Variants in JAG2 observed in about 807,000 individuals in gnomAD.
JAG2 encodes protein jagged-2.
JAG2 carries 46 observed loss-of-function variants against 141.7 expected under a neutral mutation model. The ratio of observed to expected loss-of-function variants is 0.32; its 90% CI spans 0.26 to 0.42. The LOEUF is 0.42. Ranked by LOEUF, JAG2 falls within the 10% of genes least tolerant of loss-of-function variation. The probability of loss-of-function intolerance (pLI) is 1.00; values close to 1 mark genes in which losing one functional copy is unlikely to be tolerated. For missense variants in JAG2, 1,500 were observed against 1,817.5 expected (o/e 0.83, Z 3.18); for synonymous variants, 862 against 763.5 (o/e 1.13, Z -2.13).
intron 2 of JAG2, among the ~76,000 whole-genome samples, chr14:105,161,892 A>C (rs1888760006): frequency 6.6e-6 from 1 of 152,098 alleles, no homozygotes; most frequent in Admixed American, 6.5e-5. Context: ...GCGAATAGCA[A>C]CCTCTCACCC....
rs368937296 is a variant in JAG2 at position 105,145,896 on chromosome 14, C to T, written c.2787G>A (p.Arg929=). The T allele has an allele frequency of 1.0e-5, 16 of 1,564,968 alleles. No individual in the cohort carries two copies. The African/African-American group carries it at 1.1e-4, about 11-fold the overall frequency. ...ALSAQCPLGQ[R]CLEKAPGQCL... ...ACTGGCCTGGGGCCTTCTCCAGGCA[C>T]CTTTGCCCCAGTGGGCACTGGGCGC... The change falls in exon 23 of 26, where the codon AGG becomes AGA. Residue 929 remains arginine, a synonymous_variant. Transcript: ENST00000331782.
rs1888073237 is a variant in JAG2 at position 105,142,069 on chromosome 14, C to T, written c.*626G>A. The stretch of plus-strand genomic sequence containing the variant: ...GCAAGCGCGAGGTTGACCTGCCAGC[C>T]TTGGGCCACGCCGATGACCTCAGGC... On this transcript the variant is annotated 3_prime_UTR_variant, in exon 26 of 26. Transcript: ENST00000331782. The T allele has an allele frequency of 1.3e-5, 2 of 152,914 alleles. No homozygotes were observed. Among genetic ancestry groups the T allele is most frequent in the African/African-American group, 4.8e-5 (2 of 41,476 alleles). The allele number at this position is 152,914 out of a possible 1,614,324, so 9.5% of individuals were successfully genotyped here. A position where few individuals can be genotyped will look rare whatever the true frequency, so the allele number is the denominator to read the frequency against.
intron 12 of JAG2, among the ~76,000 whole-genome samples, chr14:105,149,789 C>T (rs1207122837): frequency 3.5e-5 from 4 of 114,318 alleles, no homozygotes; most frequent in South Asian, 4.0e-4. Flanking sequence ...CGTGGGCGGC[C>T]GAGGGTGGTA....
rs1888531198 is a variant in JAG2 at position 105,154,770 on chromosome 14, C to T, written c.788+792G>A. Among the ~76,000 whole-genome samples the T allele has an allele frequency of 6.6e-6, 1 of 152,068 alleles. No individual in the cohort carries two copies. The highest frequency in any genetic ancestry group is 2.4e-5 in the African/African-American group (1 of 41,392). ...TTTCTGGGTGTCTCCAGGGACAGGG[C>T]AGGCATCGCCTCTCCACATCCAGCT... On this transcript the variant is annotated intron_variant, in intron 5 of 25. Transcript: ENST00000331782. The surrounding 1 kb of genome is among the most constrained non-coding windows in gnomAD (Gnocchi z 4.4).
Position 105,150,708 on chromosome 14 carries a change from C to T in JAG2, c.1498G>A (p.Asp500Asn). The T allele has an allele frequency of 6.4e-7, 1 of 1,564,290 alleles. No homozygotes were observed. Among genetic ancestry groups the T allele is most frequent in the Non-Finnish European group, 8.7e-7 (1 of 1,154,876 alleles). ...FGGRHCELER[D>N]ECASSPCHSG... is the part of the protein sequence containing the mutation. ...TGGCAGGGGCTGCTGGCACACTCGTCTCGTTCCAGCTCGCAATGCCGGCCT... is the reference window on the plus strand; with the variant it reads ...TGGCAGGGGCTGCTGGCACACTCGTTTCGTTCCAGCTCGCAATGCCGGCCT... Residue 500 changes from aspartate to asparagine, a missense_variant, in exon 12 of 26, where the codon GAC (aspartate) becomes AAC (asparagine). By Grantham distance (23) the Asp-to-Asn change is conservative. This residue lies in a region of JAG2 where 875 missense variants were observed against 1,202.2 expected (regional missense o/e 0.73). Transcript: ENST00000331782.
chr14:105,146,746 C>T, intron 20 of JAG2, 22 bp from the exon 21 acceptor site: 1 of 1,590,796 alleles, frequency 6.3e-7, no homozygotes, highest in Non-Finnish European at 8.6e-7. Flanking sequence ...GCCACCGCTG[C>T]TCAGTGCAGT....
In JAG2 at chr14:105,164,820, T is replaced by C. The variant is rs76433317; in HGVS notation, c.417+2937A>G. Among the ~76,000 whole-genome samples the C allele has an allele frequency of 3.0e-3, 452 of 152,240 alleles. 20 individuals are homozygous for C. The East Asian group carries it at 0.078, about 26-fold the overall frequency. Reference sequence around the variant, plus strand: ...CAGCCCCATCTGACTTCGTGAGACCTGCAATGAAAAAGCGGCAGTGTGCCC... The same window carrying C: ...CAGCCCCATCTGACTTCGTGAGACCCGCAATGAAAAAGCGGCAGTGTGCCC... On this transcript the variant is annotated intron_variant, in intron 2 of 25. Coordinates refer to ENST00000331782, the MANE Select transcript of JAG2 (RefSeq NM_002226.5).
chr14:105,146,711 G>A lies in JAG2; in HGVS notation c.2493C>T (p.Cys831=). Residue 831 remains cysteine, a synonymous_variant, in exon 21 of 26, where the codon TGC becomes TGT. Transcript: ENST00000331782. ...GPDCRINIDE[C]QSSPCAYGAT... is the part of the protein sequence containing the mutation. ...CCCCGTAGGCACAGGGCGAGGACTG[G>A]CACTCGTCGATGTCTGCAGGGAGAG... The A allele has an allele frequency of 6.2e-7, 1 of 1,612,298 alleles. No homozygotes were observed. Among genetic ancestry groups the A allele is most frequent in the Non-Finnish European group, 8.5e-7 (1 of 1,179,602 alleles).
intron 2 of JAG2, among the ~76,000 whole-genome samples, chr14:105,164,606 A>G (rs1383431460): frequency 2.0e-5 from 3 of 152,228 alleles, no homozygotes; most frequent in African/African-American, 7.2e-5. Context: ...CAGCTTAGGT[A>G]GCTCCAGGCA....
In JAG2 at chr14:105,142,845, G is replaced by A; in HGVS notation, c.3567C>T (p.Asp1189=). ...EDEDLGRGEE[D]SLEAEKFLSH... is the part of the protein sequence containing the mutation. ...AGAGGAACTTCTCCGCCTCCAGGGA[G>A]TCCTCCTCACCGCGGCCCAGATCCT... The change falls in exon 26 of 26, where the codon GAC becomes GAT. Residue 1189 remains aspartate, a synonymous_variant. Transcript: ENST00000331782. 2.5e-6 allele frequency: 4 copies of A among 1,609,712 alleles called. No individual in the cohort carries two copies. In the South Asian group the frequency reaches 3.3e-5, roughly 13 times the overall value.
At chr14:105,145,553 C>A (rs1888196633) in intron 23 of JAG2, among the ~76,000 whole-genome samples, 178 bp downstream of exon 23, 1 of 152,242 alleles carries the variant, frequency 6.6e-6, no homozygotes, top group Non-Finnish European at 1.5e-5. Flanking sequence ...GCCACCTCCA[C>A]CCAGCACCAG....
At position 105,145,833 on chromosome 14, in the gene JAG2, G is replaced by A. The variant is rs587669888; in HGVS notation, c.2850C>T (p.Gly950=). 133 of 1,562,872 alleles carry A rather than the reference G, an allele frequency of 8.5e-5. 5 individuals are homozygous for A. Among genetic ancestry groups the A allele is most frequent in the Middle Eastern group, 8.4e-4 (5 of 5,966 alleles). Residue 950 remains glycine (G), a synonymous_variant, in exon 23 of 26, where the codon GGC becomes GGT. Transcript: ENST00000331782. ...AGGGGGTGCTCGGTGGCTCTTCTGC[G>A]CCGCACTCCCCCCAGGCCTCACAGG... is the stretch of plus-strand genomic sequence containing the variant. The part of the protein sequence containing the change: ...RPPCEAWGEC[G]AEEPPSTPCL...
chr14:105,158,871 C>T (rs1888651837), intron 2 of JAG2, among the ~76,000 whole-genome samples: 1 of 152,062 alleles, frequency 6.6e-6, no homozygotes, highest in Non-Finnish European at 1.5e-5. Flanking sequence ...CCTCAGCACA[C>T]CCCATCCAAC....
chr14:105,143,750 CGA>C, intron 24 of JAG2, 112 bp from the exon 25 acceptor site: 2 of 1,346,268 alleles, frequency 1.5e-6, no homozygotes, highest in South Asian at 1.3e-5. Flanking sequence ...GCACGGGAGA[CGA>C]GAGCCCGGGG....
At chr14:105,152,352 G>A in intron 5 of JAG2, 61 bp from the exon 6 acceptor site, 1 of 1,577,470 alleles carries the variant, frequency 6.3e-7, no homozygotes, top group Non-Finnish European at 8.6e-7. Context: ...GGGTGGCAGG[G>A]GAGCCAGGCA....
Position 105,143,171 on chromosome 14 carries a change from C to G in JAG2, c.3242-1G>C. ...CCACACAGCACAGGCACCAGCAGAC[C>G]TGGGGACCGGGGAGAAGAGCCGGTG... On this transcript the variant is annotated splice_acceptor_variant, in intron 25 of 25. Coordinates refer to ENST00000331782, the MANE Select transcript of JAG2 (RefSeq NM_002226.5). LOFTEE classifies it high-confidence loss of function. The G allele has an allele frequency of 6.3e-7, 1 of 1,597,588 alleles. No individual in the cohort carries two copies. The highest frequency in any genetic ancestry group is 8.5e-7 in the Non-Finnish European group (1 of 1,179,452).
chr14:105,151,130 G>A (rs116916276), intron 9 of JAG2, 26 bp from the exon 10 acceptor site: 179,389 of 1,586,786 alleles, frequency 0.11, 11,260 homozygotes, highest in Middle Eastern at 0.14. Context: ...GGTGGGAGCC[G>A]TGGGGCTCGG....
chr14:105,165,826 C>T (rs926878629), intron 2 of JAG2, among the ~76,000 whole-genome samples: 1 of 152,262 alleles, frequency 6.6e-6, no homozygotes, highest in Non-Finnish European at 1.5e-5. Context: ...TGAAACCCCT[C>T]CTCAGGTCCC....
chr14:105,154,398 C>A lies in JAG2; in HGVS notation c.788+1164G>T, dbSNP rs587700189. On this transcript the variant is annotated intron_variant, in intron 5 of 25. Transcript: ENST00000331782. The surrounding 1 kb of genome is among the most constrained non-coding windows in gnomAD (Gnocchi z 4.4). ...CCCCAGCTTGCTCACGCACAGTGAG[C>A]GCCACGGCTCGAAGCCCGTGCCCAC... 6.6e-6 allele frequency among the ~76,000 whole-genome samples: 1 copy of A among 152,136 alleles called. No homozygotes were observed. Among genetic ancestry groups the A allele is most frequent in the African/African-American group, 2.4e-5 (1 of 41,414 alleles).
Sources: gnomAD v4.1 joint callset for allele counts (sites outside exome capture counted in the v4.1 genomes callset) on GRCh38, gnomAD v4.1.1 for gene constraint, gnomAD v4.1.1 regional missense constraint, Gnocchi (gnomAD v3.1) non-coding constraint, MANE v1.5 for transcripts, NCBI Gene and HGNC (gene_info 2026-07-23, HGNC 2026-07-21) for gene names.